Variants in MTDH observed in about 807,000 individuals in gnomAD.
MTDH encodes protein LYRIC.
MTDH carries 34 observed loss-of-function variants against 72.7 expected under a neutral mutation model. The ratio of observed to expected loss-of-function variants is 0.47; its 90% CI spans 0.36 to 0.62. The LOEUF is 0.62. MTDH is among the 20% of genes least tolerant of loss of function. The pLI is 0.00. For missense variants in MTDH, 677 were observed against 699.4 expected (o/e 0.97, Z 0.36); for synonymous variants, 266 against 268.9 (o/e 0.99, Z 0.10).
intron 2 of MTDH, among the ~76,000 whole-genome samples, chr8:97,664,434 A>T (rs138730336): frequency 1.4e-3 from 205 of 151,218 alleles, no homozygotes; most frequent in African/African-American, 4.6e-3. Context: ...TCTTTTTATC[A>T]TTTAACAGTG....
chr8:97,708,049 ATC>A (rs1397866569), intron 8 of MTDH, among the ~76,000 whole-genome samples: 1 of 151,634 alleles, frequency 6.6e-6, no homozygotes, highest in Non-Finnish European at 1.5e-5. Flanking sequence ...GCTCACTGCA[ATC>A]TCTGCCTCCT....
intron 7 of MTDH, among the ~76,000 whole-genome samples, chr8:97,702,477 C>T (rs1814171964): frequency 6.6e-6 from 1 of 152,168 alleles, no homozygotes; most frequent in Non-Finnish European, 1.5e-5. Context: ...ATATAAAGCT[C>T]TTAGAACACT....
chr8:97,647,349 C>T (rs1157266897), intron 1 of MTDH, among the ~76,000 whole-genome samples: 1 of 152,048 alleles, frequency 6.6e-6, no homozygotes, highest in South Asian at 2.1e-4. Flanking sequence ...GTAGGAGTCC[C>T]CCAGGAATTC....
At chr8:97,708,122 C>T (rs1445363419) in intron 8 of MTDH, among the ~76,000 whole-genome samples, 1 of 151,998 alleles carries the variant, frequency 6.6e-6, no homozygotes, top group East Asian at 1.9e-4. Flanking sequence ...CACCTGCCAC[C>T]ATGCCCGGCT....
At chr8:97,650,057 G>A (rs944302923) in intron 1 of MTDH, among the ~76,000 whole-genome samples, 5 of 152,120 alleles carry the variant, frequency 3.3e-5, no homozygotes, top group Non-Finnish European at 7.3e-5. Flanking sequence ...CCGGGTTCAC[G>A]CACGTTCTCC....
chr8:97,658,241 G>A (rs916187958), intron 1 of MTDH, among the ~76,000 whole-genome samples: 1 of 152,178 alleles, frequency 6.6e-6, no homozygotes, highest in East Asian at 1.9e-4. Context: ...GAACAGCTGC[G>A]ATTAGAGCTA....
chr8:97,645,579 A>G (rs1476598405), intron 1 of MTDH, among the ~76,000 whole-genome samples: 1 of 152,150 alleles, frequency 6.6e-6, no homozygotes, highest in East Asian at 1.9e-4. Context: ...AGTCTGTTGC[A>G]CACTCTGTGG....
At chr8:97,718,439 A>G (rs770727602) in intron 9 of MTDH, among the ~76,000 whole-genome samples, 17 of 152,210 alleles carry the variant, frequency 1.1e-4, no homozygotes, top group Non-Finnish European at 2.5e-4. Context: ...CTAGAAAATT[A>G]ACTTATGTAT....
chr8:97,671,169 G>A (rs1211114666), intron 2 of MTDH, among the ~76,000 whole-genome samples: 1 of 152,016 alleles, frequency 6.6e-6, no homozygotes, highest in Non-Finnish European at 1.5e-5. Context: ...GTTTCACCTT[G>A]TTGGCCAGGC....
intron 8 of MTDH, among the ~76,000 whole-genome samples, chr8:97,709,236 A>AG (rs1814520094): frequency 6.6e-6 from 1 of 152,112 alleles, no homozygotes; most frequent in African/African-American, 2.4e-5. Context: ...TAATGGTAGA[A>AG]GGAGGGGTAA....
chr8:97,672,997 G>T (rs189540532), intron 2 of MTDH, among the ~76,000 whole-genome samples: 1 of 152,108 alleles, frequency 6.6e-6, no homozygotes, highest in African/African-American at 2.4e-5. Context: ...TGAGTGGAGG[G>T]ACCGAATAAG....
chr8:97,696,691 A>C (rs1452169500), intron 6 of MTDH, among the ~76,000 whole-genome samples: 1 of 152,226 alleles, frequency 6.6e-6, no homozygotes, highest in African/African-American at 2.4e-5. Flanking sequence ...ATGGATTCCC[A>C]CATAATAACT....
In MTDH at chr8:97,713,153, C is replaced by T. The variant is rs181537545; in HGVS notation, c.1273-509C>T. On this transcript the variant is annotated intron_variant, in intron 8 of 11. Coordinates refer to ENST00000336273, the MANE Select transcript of MTDH (RefSeq NM_178812.4). Reference sequence around the variant, plus strand: ...AGGCTGGAGTGCAGTGGAGTGATTTCGGCTCACTGCAAGCTCCGCCTCCTG... The same window carrying T: ...AGGCTGGAGTGCAGTGGAGTGATTTTGGCTCACTGCAAGCTCCGCCTCCTG... Among the ~76,000 whole-genome samples, 776 of 152,110 alleles carry T rather than the reference C, an allele frequency of 5.1e-3. 4 individuals are homozygous for T. The highest frequency in any genetic ancestry group is 0.018 in the African/African-American group (741 of 41,496).
Position 97,696,769 on chromosome 8 carries a change from A to C in MTDH, c.1049-2985A>C, listed in dbSNP as rs139035576. Among the ~76,000 whole-genome samples the C allele has an allele frequency of 7.2e-5, 11 of 152,254 alleles. No homozygotes were observed. The East Asian group carries it at 2.1e-3, about 29-fold the overall frequency. On this transcript the variant is annotated intron_variant, in intron 6 of 11. Coordinates refer to ENST00000336273, the MANE Select transcript of MTDH (RefSeq NM_178812.4). ...CTACTGTTAATTCTGCATTACTTAA[A>C]TGGATATATGTTTTATTAATCATAT...
chr8:97,646,729 T>G (rs1049267940), intron 1 of MTDH, among the ~76,000 whole-genome samples: 11 of 152,200 alleles, frequency 7.2e-5, no homozygotes, highest in Non-Finnish European at 1.6e-4. Flanking sequence ...TCATTTTCAT[T>G]CGAGTTAAGG....
At position 97,686,613 on chromosome 8, in the gene MTDH, CCTA is replaced by C. The variant is rs1422099456; in HGVS notation, c.484-52_484-50del. On this transcript the variant is annotated intron_variant, in intron 2 of 11. Coordinates refer to ENST00000336273, the MANE Select transcript of MTDH (RefSeq NM_178812.4). ...CATTTCATTATGTATTTTACTGACTCCTACTTATTCAAAAACATAACAAAATAT... is the reference window on the plus strand; with the variant it reads ...CATTTCATTATGTATTTTACTGACTCCTTATTCAAAAACATAACAAAATAT... 13 of 1,098,064 alleles carry C rather than the reference CCTA, an allele frequency of 1.2e-5. No homozygotes were observed. In the East Asian group the frequency reaches 3.5e-4, roughly 29 times the overall value. 68.0% of individuals were successfully genotyped at this position (1,098,064 alleles called of 1,614,324 possible).
At chr8:97,698,193 C>G (rs1813950817) in intron 6 of MTDH, among the ~76,000 whole-genome samples, 1 of 152,200 alleles carries the variant, frequency 6.6e-6, no homozygotes, top group Non-Finnish European at 1.5e-5. Flanking sequence ...AACCAAGTAT[C>G]TTTTCTTCCT....
At chr8:97,669,908 G>A (rs530323100) in intron 2 of MTDH, among the ~76,000 whole-genome samples, 240 of 143,130 alleles carry the variant, frequency 1.7e-3, no homozygotes, top group Non-Finnish European at 7.9e-4. Context: ...GATCAACAGA[G>A]GGAGACTCCA....
chr8:97,644,652 G>T lies in MTDH; in HGVS notation c.146G>T (p.Gly49Val), dbSNP rs771127973. 5.9e-5 allele frequency: 95 copies of T among 1,609,634 alleles called. No homozygotes were observed. Among genetic ancestry groups the T allele is most frequent in the Non-Finnish European group, 8.0e-5 (94 of 1,179,022 alleles). ...DLGLEPKRYPGWVILVGTGAL... is the reference protein window; with the variant it reads ...DLGLEPKRYPVWVILVGTGAL... The stretch of plus-strand genomic sequence containing the variant: ...GGGCTGGAGCCGAAACGGTACCCCG[G>T]CTGGGTGATCCTGGTGGGCACTGGC... The change falls in exon 1 of 12, where the codon GGC becomes GTC. Residue 49 changes from glycine (G) to valine (V), a missense_variant. Gly to Val is a moderately radical substitution (Grantham distance 109). This residue lies in a region of MTDH where 467 missense variants were observed against 469.1 expected (regional missense o/e 1.00). Transcript: ENST00000336273.
Sources: allele counts gnomAD v4.1 joint callset (sites outside exome capture counted in the v4.1 genomes callset), GRCh38; gene constraint gnomAD v4.1.1; regional missense constraint gnomAD v4.1.1; transcripts MANE v1.5; gene names NCBI Gene and HGNC (gene_info 2026-07-23, HGNC 2026-07-21).